NPHS1: variants seen among roughly 807,000 people sequenced by gnomAD.
NPHS1 encodes NPHS1 adhesion molecule, nephrin, also known as nephrin.
Under a neutral mutation model 139.7 loss-of-function variants are expected in NPHS1, and 107 were observed. That is an observed-to-expected ratio of 0.77 (90% CI 0.66 to 0.90). NPHS1 has a LOEUF of 0.90. NPHS1 is among the 40% of genes least tolerant of loss of function. The pLI is 0.00. For missense variants in NPHS1, 1,580 were observed against 1,654.2 expected, an observed-to-expected ratio of 0.96 and a Z score of 0.78; for synonymous variants, 707 against 706.6, an observed-to-expected ratio of 1.00 and a Z score of -0.01.
chr19:35,837,954 A>AC (rs1568451550), intron 22 of NPHS1, among the ~76,000 whole-genome samples: 8 of 151,348 alleles, frequency 5.3e-5, no homozygotes, highest in African/African-American at 1.9e-4. Context: ...AAAAAAAAAA[A>AC]AAAAAACGAA....
Position 35,846,177 on chromosome 19 carries a change from G to T in NPHS1, c.1458C>A (p.Thr486=), listed in dbSNP as rs1482127176. The T allele has an allele frequency of 6.3e-7, 1 of 1,593,530 alleles. No homozygotes were observed. The highest frequency in any genetic ancestry group is 8.5e-7 in the Non-Finnish European group (1 of 1,172,038). Residue 486 remains threonine (T), a synonymous_variant, in exon 12 of 29, where the codon ACC becomes ACA. Transcript: ENST00000378910. ...GCGACTCCTGCGGCAGCCGCGACTC[G>T]GTCACGGTGCGCGAGTCCTACGGGC... ...LMWYKDSRTV[T]ESRLPQESRR...
chr19:35,831,343 A>T lies in NPHS1; in HGVS notation c.3340T>A (p.Tyr1114Asn), dbSNP rs1181087294. Residue 1114 changes from tyrosine to asparagine, a missense_variant, in exon 26 of 29, where the codon TAT (tyrosine) becomes AAT (asparagine). Coordinates refer to ENST00000378910, the MANE Select transcript of NPHS1 (RefSeq NM_004646.4). ...GSEEDRVRNE[Y>N]EESQWTGERD... The stretch of plus-strand genomic sequence containing the variant: ...TCTCCTGTCCACTGGCTCTCCTCAT[A>T]TTCGTTCCTGACTCGGTCCTCTTCC... The T allele has an allele frequency of 6.2e-7, 1 of 1,613,934 alleles. No individual in the cohort carries two copies. The highest frequency in any genetic ancestry group is 2.2e-5 in the East Asian group (1 of 44,852).
rs1156546133 is a variant in NPHS1, at chr19:35,831,629, G to C, written c.3286+14C>G. The C allele has an allele frequency of 1.1e-5, 17 of 1,613,314 alleles. No individual in the cohort carries two copies. The highest frequency in any genetic ancestry group is 1.4e-5 in the Non-Finnish European group (17 of 1,179,786). On this transcript the variant is annotated intron_variant, in intron 24 of 28. Coordinates refer to ENST00000378910, the MANE Select transcript of NPHS1 (RefSeq NM_004646.4). Reference sequence around the variant, plus strand: ...CTCGGGTCTCCACCCTGGCAGGGAAGGGTCTCTCCTCACCCTCAGCAAGAC... The same window carrying C: ...CTCGGGTCTCCACCCTGGCAGGGAACGGTCTCTCCTCACCCTCAGCAAGAC...
chr19:35,830,982 C>G, intron 27 of NPHS1, 26 bp from the exon 28 acceptor site: 1 of 1,605,146 alleles, frequency 6.2e-7, no homozygotes, highest in Non-Finnish European at 8.5e-7. Context: ...AAGGGAGACA[C>G]GATCAAGGCA....
chr19:35,831,715 GC>G lies in NPHS1; in HGVS notation c.3213del (p.Leu1072PhefsTer71), dbSNP rs1420623853. On this transcript the variant is annotated frameshift_variant, in exon 24 of 29. Coordinates refer to ENST00000378910, the MANE Select transcript of NPHS1 (RefSeq NM_004646.4). LOFTEE classifies it high-confidence loss of function. ...PLLPVLFALG[G>X]LLLLSNASCV... ...CAGGAGGCATTGGAGAGGAGCAGAA[GC>G]CCCCCAAGAGCGAACAGCACAGGCA... 3.1e-6 allele frequency: 5 copies of G among 1,595,720 alleles called. No individual in the cohort carries two copies. The highest frequency in any genetic ancestry group is 4.6e-5 in the East Asian group (2 of 43,834).
At chr19:35,843,970 C>G in intron 16 of NPHS1, 133 bp downstream of exon 16, 2 of 1,297,950 alleles carry the variant, frequency 1.5e-6, no homozygotes, top group Non-Finnish European at 2.1e-6. Context: ...TACACCGCGG[C>G]TGGGACTTCC....
intron 22 of NPHS1, among the ~76,000 whole-genome samples, chr19:35,837,026 A>AAAAGAAAAGAAAGAAAG (rs1555761159): frequency 5.3e-5 from 7 of 131,928 alleles, no homozygotes; most frequent in African/African-American, 1.7e-4. Flanking sequence ...AAAAGAAAAG[A>AAAAGAAAAGAAAGAAAG]AAAGAAAGAA....
In NPHS1 at chr19:35,851,890, C is replaced by T. The variant is rs1180072880; in HGVS notation, c.-53G>A. 4 of 1,497,072 alleles carry T rather than the reference C, an allele frequency of 2.7e-6. No individual in the cohort carries two copies. Among genetic ancestry groups the T allele is most frequent in the Non-Finnish European group, 3.6e-6 (4 of 1,098,948 alleles). 92.7% of individuals were successfully genotyped at this position (1,497,072 alleles called of 1,614,324 possible). ...AGCGCCCGCTGCCAGCCACCTGCGT[C>T]TGTCTGGCTTTCTCTGGGTCCCTCT... On this transcript the variant is annotated 5_prime_UTR_variant, in exon 1 of 29. Transcript: ENST00000378910.
chr19:35,848,954 G>C, intron 8 of NPHS1, 22 bp downstream of exon 8: 5 of 1,611,372 alleles, frequency 3.1e-6, no homozygotes, highest in Non-Finnish European at 4.2e-6. Context: ...CCGACAGGGG[G>C]GCAGCTGGCA....
intron 28 of NPHS1, among the ~76,000 whole-genome samples, chr19:35,830,609 A>G (rs1433754450): frequency 6.6e-6 from 1 of 152,152 alleles, no homozygotes; most frequent in Admixed American, 6.5e-5. Context: ...ACAAGTCACT[A>G]TATTGCCCAG....
chr19:35,849,432 C>A, intron 6 of NPHS1, 69 bp from the exon 7 acceptor site: 1 of 1,599,188 alleles, frequency 6.3e-7, no homozygotes, highest in Non-Finnish European at 8.5e-7. Context: ...CACAACCTGC[C>A]TTTGAACCCC....
At chr19:35,827,033 T>C (rs1013820906) in intron 28 of NPHS1, among the ~76,000 whole-genome samples, 4 of 152,152 alleles carry the variant, frequency 2.6e-5, no homozygotes, top group African/African-American at 9.7e-5. Context: ...TGGAGTGCAA[T>C]GGCACGATCT....
In NPHS1 at chr19:35,846,009, C is replaced by T; in HGVS notation, c.1626G>A (p.Gln542=). 1 of 1,575,862 alleles carries T rather than the reference C, an allele frequency of 6.3e-7. No individual in the cohort carries two copies. Among genetic ancestry groups the T allele is most frequent in the Non-Finnish European group, 8.6e-7 (1 of 1,160,974 alleles). The stretch of plus-strand genomic sequence containing the variant: ...GGCCTCAGCAGTGCGAGCCCTCACA[C>T]TGCACCGCCAGCTGCGTGGACGCGC... ...QLSASTQLAV[Q]FPPTNVTILA... Residue 542 remains glutamine (Q), a splice_region_variant and synonymous_variant, in exon 12 of 29, where the codon CAG becomes CAA. Coordinates refer to ENST00000378910, the MANE Select transcript of NPHS1 (RefSeq NM_004646.4).
rs767811266 is a variant in NPHS1 at position 35,839,356 on chromosome 19, G to A, written c.2990C>T (p.Thr997Ile). 11 of 1,614,188 alleles carry A rather than the reference G, an allele frequency of 6.8e-6. No individual in the cohort carries two copies. The highest frequency in any genetic ancestry group is 2.2e-5 in the East Asian group (1 of 44,888). Residue 997 changes from threonine to isoleucine, a missense_variant, in exon 22 of 29, where the codon ACC becomes ATC. By Grantham distance (89) the Thr-to-Ile change is moderately conservative (BLOSUM62 -1). Transcript: ENST00000378910. The part of the protein sequence containing the change: ...YVDVVPPQAT[T>I]FTLTGLQPST... ...AGGCTGTAGACCAGTCAGCGTGAAG[G>A]TGGTGGCCTGGGGTGGTACGACATC...
rs1599845747 is a variant in NPHS1, at chr19:35,849,405, C to T, written c.713-42G>A. Reference sequence around the variant, plus strand: ...ACTCAGTGGGCCTGGAGTAGCCCATCCACTCTTTCCAGGCCCCACAACCTG... The same window carrying T: ...ACTCAGTGGGCCTGGAGTAGCCCATTCACTCTTTCCAGGCCCCACAACCTG... On this transcript the variant is annotated intron_variant, in intron 6 of 28. Transcript: ENST00000378910. 3 of 1,603,358 alleles carry T rather than the reference C, an allele frequency of 1.9e-6. No individual in the cohort carries two copies. In the Admixed American group the frequency reaches 5.1e-5, roughly 27 times the overall value.
Position 35,831,359 on chromosome 19 carries a change from G to A in NPHS1, c.3324C>T (p.Asp1108=). The stretch of plus-strand genomic sequence containing the variant: ...TCTCCTCATATTCGTTCCTGACTCG[G>A]TCCTCTTCCGACCTTCCAGGATGAA... The part of the protein sequence containing the change: ...SEKTEAGSEE[D]RVRNEYEESQ... Residue 1108 remains aspartate, a synonymous_variant, in exon 26 of 29, where the codon GAC becomes GAT. Coordinates refer to ENST00000378910, the MANE Select transcript of NPHS1 (RefSeq NM_004646.4). 6.2e-7 allele frequency: 1 copy of A among 1,613,962 alleles called. No individual in the cohort carries two copies. The highest frequency in any genetic ancestry group is 1.1e-5 in the South Asian group (1 of 91,072).
intron 14 of NPHS1, among the ~76,000 whole-genome samples, chr19:35,844,765 G>A (rs1337566535): frequency 6.6e-6 from 1 of 152,140 alleles, no homozygotes; most frequent in African/African-American, 2.4e-5. Context: ...CCAGGACCAC[G>A]GGTCAGGATG....
Position 35,848,517 on chromosome 19 carries a change from TG to T in NPHS1, c.1170+119del, listed in dbSNP as rs576450309. On this transcript the variant is annotated intron_variant, in intron 9 of 28. Coordinates refer to ENST00000378910, the MANE Select transcript of NPHS1 (RefSeq NM_004646.4). The stretch of plus-strand genomic sequence containing the variant: ...GAGACATCTCTACCTCCCCCTCTGT[TG>T]GACCCATGGTCCTCAAGGAGAAAGC... The T allele has an allele frequency of 5.7e-5, 90 of 1,581,876 alleles. 1 individual carries two copies. The African/African-American group carries it at 1.1e-3, about 19-fold the overall frequency.
Position 35,847,851 on chromosome 19 carries a change from T to C in NPHS1, c.1440+190A>G, listed in dbSNP as rs370489249. The stretch of plus-strand genomic sequence containing the variant: ...AAAATTCTCACTGTTTCCCCAGAAT[T>C]TTCCTAGGATTCCATTTAATTCTCA... On this transcript the variant is annotated intron_variant, in intron 11 of 28. Coordinates refer to ENST00000378910, the MANE Select transcript of NPHS1 (RefSeq NM_004646.4). The C allele has an allele frequency of 1.0e-5, 6 of 582,126 alleles. No homozygotes were observed. In the East Asian group the frequency reaches 1.5e-4, roughly 14 times the overall value. The allele number at this position is 582,126 out of a possible 1,614,324, so 36.1% of individuals were successfully genotyped here.
Sources: gnomAD v4.1 joint callset for allele counts (sites outside exome capture counted in the v4.1 genomes callset) on GRCh38, gnomAD v4.1.1 for gene constraint, MANE v1.5 for transcripts, NCBI Gene and HGNC (gene_info 2026-07-23, HGNC 2026-07-21) for gene names.